FARP1: variants seen among roughly 807,000 people sequenced by gnomAD.
FARP1 encodes FERM, ARH/RhoGEF and pleckstrin domain protein 1, also known as FERM, ARHGEF and pleckstrin domain-containing protein 1.
A neutral mutation model predicts 128.8 loss-of-function variants in FARP1; 52 were observed. That is an observed-to-expected ratio of 0.40 (90% CI 0.32 to 0.51). FARP1 has a LOEUF of 0.51. Among genes scored for constraint, FARP1 ranks in the 20% least tolerant of loss-of-function variants. The pLI, the probability that FARP1 is intolerant of heterozygous loss-of-function variation, is 0.45. For synonymous variants in FARP1, 580 were observed against 551.8 expected, an observed-to-expected ratio of 1.05 and a Z score of -0.72; for missense variants, 1,333 against 1,367.9, an observed-to-expected ratio of 0.97 and a Z score of 0.40.
intron 1 of FARP1, among the ~76,000 whole-genome samples, chr13:98,145,542 G>A (rs757642154): frequency 1.2e-4 from 17 of 146,684 alleles, no homozygotes; most frequent in Non-Finnish European, 2.2e-4. Flanking sequence ...CAAGGAACCT[G>A]GAGGAACGTT....
At chr13:98,249,394 A>T (rs1414851969) in intron 2 of FARP1, among the ~76,000 whole-genome samples, 2 of 152,224 alleles carry the variant, frequency 1.3e-5, no homozygotes, top group Non-Finnish European at 2.9e-5. Context: ...CTTTTATGTG[A>T]CATGGTAAGA....
At chr13:98,334,709 G>A (rs914799800) in intron 2 of FARP1, among the ~76,000 whole-genome samples, 4 of 152,116 alleles carry the variant, frequency 2.6e-5, no homozygotes, top group Admixed American at 2.0e-4. Flanking sequence ...GTAAAATGAG[G>A]TCATGAAGAT....
intron 2 of FARP1, among the ~76,000 whole-genome samples, chr13:98,250,037 A>G (rs1357955758): frequency 6.6e-6 from 1 of 152,248 alleles, no homozygotes; most frequent in Non-Finnish European, 1.5e-5. Context: ...ATAAAAGAGA[A>G]AATAGATGAT....
intron 2 of FARP1, among the ~76,000 whole-genome samples, chr13:98,285,217 A>C (rs1249395020): frequency 6.6e-6 from 1 of 152,224 alleles, no homozygotes; most frequent in Non-Finnish European, 1.5e-5. Flanking sequence ...GAAAAAATGT[A>C]ACATGTACAC....
At chr13:98,289,975 C>G (rs2139660797) in intron 2 of FARP1, among the ~76,000 whole-genome samples, 1 of 152,132 alleles carries the variant, frequency 6.6e-6, no homozygotes, top group Non-Finnish European at 1.5e-5. Context: ...TTCATACACA[C>G]GCGTACTTCT....
chr13:98,183,218 C>T (rs954657448), intron 1 of FARP1, among the ~76,000 whole-genome samples: 7 of 152,060 alleles, frequency 4.6e-5, no homozygotes, highest in Non-Finnish European at 8.8e-5. Flanking sequence ...TGTTCTCTGC[C>T]TCTGTTTACA....
chr13:98,260,227 C>A (rs1237002565), intron 2 of FARP1, among the ~76,000 whole-genome samples: 1 of 152,116 alleles, frequency 6.6e-6, no homozygotes, highest in Non-Finnish European at 1.5e-5. Context: ...AGGTGCTGCA[C>A]AGCATGAAGA....
At position 98,368,196 on chromosome 13, in the gene FARP1, G is replaced by A. The variant is rs754346631; in HGVS notation, c.398+1G>A. 6.2e-7 allele frequency: 1 copy of A among 1,611,840 alleles called. No homozygotes were observed. Among genetic ancestry groups the A allele is most frequent in the Non-Finnish European group, 8.5e-7 (1 of 1,178,028 alleles). On this transcript the variant is annotated splice_donor_variant, in intron 5 of 26. Transcript: ENST00000319562. LOFTEE classifies it high-confidence loss of function. ...CACAACTCCAAGAAGAACTCACAAG[G>A]TTAGTGGTTTGGAAACTGTGTATTT...
chr13:98,409,445 C>G lies in FARP1; in HGVS notation c.1522C>G (p.Gln508Glu). Residue 508 changes from glutamine to glutamate, a missense_variant, in exon 14 of 27, where the codon CAG (glutamine) becomes GAG (glutamate). By Grantham distance (29) the Gln-to-Glu change is conservative. Transcript: ENST00000319562. ...LSPNLSPDTKQASPLISPLLN... is the reference protein window; with the variant it reads ...LSPNLSPDTKEASPLISPLLN... ...TCCCAACCTGAGCCCCGACACCAAG[C>G]AGGCCTCTCCCTTGATCAGCCCGCT... 2 of 1,614,152 alleles carry G rather than the reference C, an allele frequency of 1.2e-6. No homozygotes were observed. The highest frequency in any genetic ancestry group is 1.7e-6 in the Non-Finnish European group (2 of 1,180,040).
At chr13:98,317,064 C>T (rs1886752051) in intron 2 of FARP1, among the ~76,000 whole-genome samples, 1 of 152,168 alleles carries the variant, frequency 6.6e-6, no homozygotes, top group Admixed American at 6.5e-5. Flanking sequence ...CAGACACACA[C>T]AGCCATGTGG....
chr13:98,150,546 G>A (rs1445144988), intron 1 of FARP1, among the ~76,000 whole-genome samples: 1 of 152,040 alleles, frequency 6.6e-6, no homozygotes, highest in Non-Finnish European at 1.5e-5. Context: ...TCTTTTGAAA[G>A]GCAAAAGTTA....
chr13:98,143,822 G>A (rs1015962182), intron 1 of FARP1, among the ~76,000 whole-genome samples: 1 of 151,088 alleles, frequency 6.6e-6, no homozygotes, highest in East Asian at 2.0e-4. Context: ...CCCTTCCCCC[G>A]TTTCCTTCCG....
chr13:98,238,181 A>G (rs1450276072), intron 2 of FARP1, among the ~76,000 whole-genome samples: 1 of 152,234 alleles, frequency 6.6e-6, no homozygotes, highest in East Asian at 1.9e-4. Context: ...CCCAGATGCC[A>G]TCAGGAAAAT....
chr13:98,261,478 T>C (rs1305937571), intron 2 of FARP1, among the ~76,000 whole-genome samples: 1 of 151,508 alleles, frequency 6.6e-6, no homozygotes, highest in Non-Finnish European at 1.5e-5. Context: ...TTCCTCTCTA[T>C]AGATTTCAGT....
intron 2 of FARP1, among the ~76,000 whole-genome samples, chr13:98,278,635 G>A (rs16955208): frequency 0.083 from 12,677 of 152,082 alleles, 1,059 homozygotes; most frequent in African/African-American, 0.22. Flanking sequence ...CAGTAAACCT[G>A]TGTAAAGACC....
At chr13:98,440,991 C>A (rs762142922) in intron 24 of FARP1, among the ~76,000 whole-genome samples, 155 bp downstream of exon 24, 5 of 152,220 alleles carry the variant, frequency 3.3e-5, no homozygotes, top group Admixed American at 6.5e-5. Context: ...ACTGGGCCCC[C>A]TTTGGAGCCT....
chr13:98,214,222 C>CTGCT (rs1430730274), intron 2 of FARP1, among the ~76,000 whole-genome samples: 1 of 152,252 alleles, frequency 6.6e-6, no homozygotes, highest in African/African-American at 2.4e-5. Context: ...AAGCTGCCGC[C>CTGCT]TGCTTCGTGC....
intron 15 of FARP1, 150 bp downstream of exon 15, chr13:98,410,973 A>G: frequency 2.0e-6 from 1 of 498,674 alleles, no homozygotes; most frequent in South Asian, 4.0e-5. Flanking sequence ...ATTAAATGCT[A>G]ATAGTATATT....
intron 9 of FARP1, 64 bp downstream of exon 9, chr13:98,388,542 G>A (rs1594477156): frequency 3.2e-6 from 4 of 1,256,574 alleles, no homozygotes; most frequent in East Asian, 2.3e-5. Flanking sequence ...CCTGCAAGGG[G>A]TGGAGGTCTG....
Sources: allele counts gnomAD v4.1 joint callset (sites outside exome capture counted in the v4.1 genomes callset), GRCh38; gene constraint gnomAD v4.1.1; transcripts MANE v1.5; gene names NCBI Gene and HGNC (gene_info 2026-07-23, HGNC 2026-07-21).